Variants in SGMS1 observed in about 807,000 individuals in gnomAD.
The protein encoded by SGMS1 is sphingomyelin synthase 1.
In SGMS1, 13 loss-of-function variants were observed where a neutral mutation model predicts 46.2. The observed-to-expected ratio is 0.28, with a 90% CI of 0.18 to 0.45. The LOEUF (loss-of-function observed/expected upper bound fraction) is 0.45. Ranked by LOEUF, SGMS1 falls within the 20% of genes least tolerant of loss-of-function variation. SGMS1 has a pLI of 1.00. For missense variants in SGMS1, 324 were observed against 519.9 expected (o/e 0.62, Z 3.66); for synonymous variants, 203 against 187.8 (o/e 1.08, Z -0.66).
intron 2 of SGMS1, among the ~76,000 whole-genome samples, chr10:50,551,447 T>C (rs993618457): frequency 3.4e-5 from 5 of 147,534 alleles, no homozygotes; most frequent in African/African-American, 5.0e-5. Flanking sequence ...CTAGATGTAA[T>C]GTGGAATACT....
intron 8 of SGMS1, among the ~76,000 whole-genome samples, chr10:50,312,262 T>C (rs1304826949): frequency 6.6e-6 from 1 of 151,468 alleles, no homozygotes; most frequent in Non-Finnish European, 1.5e-5. Flanking sequence ...TGTTTTATTA[T>C]AATTTCCTTT....
chr10:50,599,579 G>A (rs561643041), intron 1 of SGMS1, among the ~76,000 whole-genome samples: 8 of 152,018 alleles, frequency 5.3e-5, no homozygotes, highest in Admixed American at 2.0e-4. Flanking sequence ...AGTACTTAAC[G>A]TTAACTTAAG....
intron 6 of SGMS1, chr10:50,418,194 C>T (rs995621830): frequency 1.3e-5 from 2 of 152,134 alleles, no homozygotes; most frequent in Admixed American, 6.5e-5. Flanking sequence ...CTGAGCGGCG[C>T]GCAGACCCCG....
chr10:50,472,660 A>G (rs1345789709), intron 3 of SGMS1, among the ~76,000 whole-genome samples: 1 of 152,190 alleles, frequency 6.6e-6, no homozygotes, highest in Non-Finnish European at 1.5e-5. Flanking sequence ...TCTCTTCTAC[A>G]TTCAGATCAA....
chr10:50,344,200 T>G lies in SGMS1; in HGVS notation c.-86A>C, dbSNP rs1847875297. ...CGACAGGGCAGGACACTGTCCTGCC[T>G]CGGCTCGTTCATCCTGTGGGGCCTC... On this transcript the variant is annotated 5_prime_UTR_variant, in exon 7 of 11. Transcript: ENST00000361781. The G allele has an allele frequency of 6.8e-7, 1 of 1,460,688 alleles. No homozygotes were observed. The highest frequency in any genetic ancestry group is 1.5e-5 in the South Asian group (1 of 66,874). 90.5% of individuals were successfully genotyped at this position (1,460,688 alleles called of 1,614,324 possible).
At chr10:50,334,956 G>A (rs1027259923) in intron 7 of SGMS1, 1 of 152,272 alleles carries the variant, frequency 6.6e-6, no homozygotes, top group Non-Finnish European at 1.5e-5. Flanking sequence ...ATCTGTGGGA[G>A]AAAATTCCAG....
chr10:50,609,639 G>C (rs1332269901), intron 1 of SGMS1, among the ~76,000 whole-genome samples: 1 of 150,336 alleles, frequency 6.7e-6, no homozygotes, highest in Admixed American at 6.7e-5. Flanking sequence ...CCATTGTGTG[G>C]ATATACATAA....
intron 3 of SGMS1, among the ~76,000 whole-genome samples, chr10:50,493,923 G>A (rs993192395): frequency 1.3e-5 from 2 of 152,098 alleles, no homozygotes; most frequent in East Asian, 3.9e-4. Flanking sequence ...TCAGCGTCCC[G>A]TGTAACTGGA....
Position 50,619,111 on chromosome 10 carries a change from C to T in SGMS1, c.-684+4596G>A, listed in dbSNP as rs945712598. 1.2e-4 allele frequency among the ~76,000 whole-genome samples: 18 copies of T among 151,106 alleles called. No individual in the cohort carries two copies. In the East Asian group the frequency reaches 2.3e-3, roughly 20 times the overall value. On this transcript the variant is annotated intron_variant, in intron 1 of 10. Transcript: ENST00000361781. ...TCATGCCACTGCACACCTGCCTGGG[C>T]GACAGACCGAGACTCTGTCTCAAAA...
intron 2 of SGMS1, among the ~76,000 whole-genome samples, chr10:50,530,324 C>A (rs1837941491): frequency 6.6e-6 from 1 of 152,168 alleles, no homozygotes; most frequent in Non-Finnish European, 1.5e-5. Context: ...CAGCTCATTT[C>A]ATTACATGAT....
At chr10:50,406,700 A>G (rs1414391093) in intron 6 of SGMS1, among the ~76,000 whole-genome samples, 1 of 80,204 alleles carries the variant, frequency 1.2e-5, no homozygotes, top group Non-Finnish European at 2.3e-5. Flanking sequence ...TTATAGCTAT[A>G]ATTCTTTTTT....
intron 6 of SGMS1, chr10:50,418,624 G>A (rs1439049575): frequency 6.6e-6 from 1 of 152,200 alleles, no homozygotes; most frequent in East Asian, 1.9e-4. Context: ...TTCTAGAAAA[G>A]GGTAGGTTGC....
intron 8 of SGMS1, among the ~76,000 whole-genome samples, chr10:50,324,224 GA>G (rs1181420733): frequency 6.6e-6 from 1 of 152,202 alleles, no homozygotes; most frequent in Non-Finnish European, 1.5e-5. Context: ...CTGAGGCTCT[GA>G]AAAGTTAAAT....
chr10:50,387,140 A>G (rs1280138583), intron 6 of SGMS1, among the ~76,000 whole-genome samples: 1 of 152,240 alleles, frequency 6.6e-6, no homozygotes, highest in Non-Finnish European at 1.5e-5. Flanking sequence ...TGATGCTGAT[A>G]GAAGATTCTG....
chr10:50,351,776 G>A (rs113506011), intron 6 of SGMS1, among the ~76,000 whole-genome samples: 15 of 152,180 alleles, frequency 9.9e-5, no homozygotes, highest in African/African-American at 1.9e-4. Context: ...TCCCAGGCTC[G>A]GGGTGTCTTT....
chr10:50,575,834 T>C (rs1250067928), intron 2 of SGMS1, among the ~76,000 whole-genome samples: 1 of 152,138 alleles, frequency 6.6e-6, no homozygotes, highest in Non-Finnish European at 1.5e-5. Flanking sequence ...ACATTTCCAA[T>C]ACCTTCTGAA....
chr10:50,408,456 C>A (rs200092569), intron 6 of SGMS1, among the ~76,000 whole-genome samples: 18,292 of 113,490 alleles, frequency 0.16, 1,182 homozygotes, highest in South Asian at 0.25. Context: ...AAAAAAAAAA[C>A]AAAATAAAAA....
chr10:50,524,076 T>C (rs767268757), intron 2 of SGMS1, among the ~76,000 whole-genome samples: 1 of 152,246 alleles, frequency 6.6e-6, no homozygotes, highest in Non-Finnish European at 1.5e-5. Context: ...TTTCTTTGGT[T>C]CTACTTCAGG....
At chr10:50,359,955 T>A (rs1342263323) in intron 6 of SGMS1, among the ~76,000 whole-genome samples, 2 of 152,080 alleles carry the variant, frequency 1.3e-5, no homozygotes, top group Non-Finnish European at 2.9e-5. Flanking sequence ...TCTGCTTTAC[T>A]TTTTTTTCAG....
Sources: gnomAD v4.1 joint callset for allele counts (sites outside exome capture counted in the v4.1 genomes callset) on GRCh38, gnomAD v4.1.1 for gene constraint, MANE v1.5 for transcripts, NCBI Gene and HGNC (gene_info 2026-07-23, HGNC 2026-07-21) for gene names.